DOCK8: variants seen among roughly 807,000 people sequenced by gnomAD.
DOCK8 encodes the protein dedicator of cytokinesis protein 8.
In DOCK8, 141 loss-of-function variants were observed where a neutral mutation model predicts 245.6. The observed-to-expected ratio is 0.57, with a 90% CI of 0.50 to 0.66. The LOEUF is 0.66. DOCK8 is among the 30% of genes least tolerant of loss of function. The probability of loss-of-function intolerance (pLI) is 0.00; values close to 1 mark genes in which losing one functional copy is unlikely to be tolerated. For synonymous variants in DOCK8, 1,168 were observed against 970.2 expected (o/e 1.20, Z -3.79); for missense variants, 2,965 against 2,603.4 (o/e 1.14, Z -3.02).
At chr9:234,627 C>G (rs559968555) in intron 1 of DOCK8, among the ~76,000 whole-genome samples, 1 of 152,326 alleles carries the variant, frequency 6.6e-6, no homozygotes, top group South Asian at 2.1e-4. Flanking sequence ...AACTTCTCTT[C>G]TCACTTCATT....
intron 14 of DOCK8, among the ~76,000 whole-genome samples, chr9:354,625 A>C (rs1428135129): frequency 6.6e-6 from 1 of 152,188 alleles, no homozygotes; most frequent in African/African-American, 2.4e-5. Flanking sequence ...CGTCACCTCA[A>C]GGGTCCCCTG....
At chr9:220,717 C>CT (rs3046368) in intron 1 of DOCK8, 152,696 of 355,780 alleles carry the variant, frequency 0.43, 19,692 homozygotes, top group African/African-American at 0.58. Context: ...TAATTTCTTT[C>CT]TTTTTTTTTT....
intron 46 of DOCK8, 56 bp downstream of exon 46, chr9:452,173 C>A: frequency 1.7e-6 from 2 of 1,149,678 alleles, no homozygotes; most frequent in Non-Finnish European, 2.6e-6. Context: ...AAAGTGCAAT[C>A]TTAGACCAGC....
intron 15 of DOCK8, chr9:369,751 C>T (rs1298385752): frequency 1.1e-5 from 2 of 189,640 alleles, no homozygotes; most frequent in East Asian, 1.4e-4. Flanking sequence ...TCATTTCACC[C>T]TTCATAGCCA....
intron 1 of DOCK8, among the ~76,000 whole-genome samples, chr9:253,895 T>C (rs2047708551): frequency 6.6e-6 from 1 of 152,228 alleles, no homozygotes; most frequent in South Asian, 2.1e-4. Context: ...TAACCACATT[T>C]ATGCATTGAG....
Position 420,080 on chromosome 9 carries a change from C to T in DOCK8, c.3841-321C>T, listed in dbSNP as rs2056211265. 19 of 407,254 alleles carry T rather than the reference C, an allele frequency of 4.7e-5. 1 individual carries two copies. The highest frequency in any genetic ancestry group is 4.2e-4 in the South Asian group (18 of 42,662). The allele number at this position is 407,254 out of a possible 1,614,324, so 25.2% of individuals were successfully genotyped here. On this transcript the variant is annotated intron_variant, in intron 30 of 47. Coordinates refer to ENST00000432829, the MANE Select transcript of DOCK8 (RefSeq NM_203447.4). ...CCTCTTTGTATCACTGGGATTGCAG[C>T]ACGCATGATCAAGGCCCAGGGGTGA... is the stretch of plus-strand genomic sequence containing the variant.
chr9:272,746 A>G (rs1159997779), intron 2 of DOCK8, among the ~76,000 whole-genome samples: 1 of 152,170 alleles, frequency 6.6e-6, no homozygotes, highest in Non-Finnish European at 1.5e-5. Flanking sequence ...TTTTTATATC[A>G]ATGCCAATTG....
chr9:231,575 A>C (rs1472453861), intron 1 of DOCK8, among the ~76,000 whole-genome samples: 35 of 151,984 alleles, frequency 2.3e-4, no homozygotes, highest in Middle Eastern at 6.8e-3. Context: ...CTTTTATTTC[A>C]TTGAGCAGTG....
intron 2 of DOCK8, 32 bp from the exon 3 acceptor site, chr9:286,429 G>C (rs1223042624): frequency 1.2e-6 from 2 of 1,610,604 alleles, no homozygotes; most frequent in Non-Finnish European, 1.7e-6. Flanking sequence ...AACTGGGTGA[G>C]AACCTCCTTT....
At chr9:273,732 G>A (rs570362926) in intron 2 of DOCK8, among the ~76,000 whole-genome samples, 6 of 149,640 alleles carry the variant, frequency 4.0e-5, no homozygotes, top group Non-Finnish European at 8.9e-5. Flanking sequence ...TTGTCACGCA[G>A]GCTGGAGTGC....
At chr9:357,221 A>T (rs10972213) in intron 14 of DOCK8, among the ~76,000 whole-genome samples, 3,776 of 152,346 alleles carry the variant, frequency 0.025, 76 homozygotes, top group African/African-American at 0.06. Flanking sequence ...AAAGAATGGG[A>T]TGGAGATTAA....
At chr9:427,271 T>C (rs923161604) in intron 34 of DOCK8, among the ~76,000 whole-genome samples, 1 of 152,192 alleles carries the variant, frequency 6.6e-6, no homozygotes, top group South Asian at 2.1e-4. Context: ...GTTTATAATA[T>C]GGATGTTGGG....
At chr9:296,146 C>G (rs1057440463) in intron 4 of DOCK8, among the ~76,000 whole-genome samples, 1 of 152,132 alleles carries the variant, frequency 6.6e-6, no homozygotes, top group Non-Finnish European at 1.5e-5. Flanking sequence ...CTCCCCATGA[C>G]TTTTGAAAAT....
intron 24 of DOCK8, among the ~76,000 whole-genome samples, chr9:395,445 C>G (rs1049741859): frequency 6.6e-6 from 1 of 152,104 alleles, no homozygotes; most frequent in African/African-American, 2.4e-5. Context: ...TTAACGTTCT[C>G]TCATGTAGCT....
In DOCK8 at chr9:235,308, C is replaced by G. The variant is rs141892028; in HGVS notation, c.53+20279C>G. Reference sequence around the variant, plus strand: ...TGTGTGAGGTGTCAGTCTGCCCCTACTGGGGGGTGCCTCCCAGTTGGGCTA... The same window carrying G: ...TGTGTGAGGTGTCAGTCTGCCCCTAGTGGGGGGTGCCTCCCAGTTGGGCTA... On this transcript the variant is annotated intron_variant, in intron 1 of 47. Transcript: ENST00000432829. 6.0e-3 allele frequency among the ~76,000 whole-genome samples: 911 copies of G among 152,296 alleles called. 6 individuals carry two copies. Among genetic ancestry groups the G allele is most frequent in the African/African-American group, 0.02 (834 of 41,572 alleles).
chr9:243,989 C>G (rs1206219519), intron 1 of DOCK8, among the ~76,000 whole-genome samples: 1 of 151,944 alleles, frequency 6.6e-6, no homozygotes, highest in Non-Finnish European at 1.5e-5. Context: ...TCGAGACCAT[C>G]CTGGCTAACA....
intron 13 of DOCK8, 127 bp from the exon 14 acceptor site, chr9:340,032 C>T (rs1424994763): frequency 1.8e-6 from 2 of 1,084,822 alleles, no homozygotes; most frequent in Non-Finnish European, 2.7e-6. Context: ...AAATTAGCTC[C>T]AAAACTTTTT....
chr9:404,396 A>G (rs955255483), intron 26 of DOCK8, among the ~76,000 whole-genome samples: 12 of 152,122 alleles, frequency 7.9e-5, no homozygotes, highest in African/African-American at 2.7e-4. Flanking sequence ...TGCAGGTACT[A>G]TGTACTTTGC....
At chr9:271,071 A>G (rs1383316136) in intron 1 of DOCK8, among the ~76,000 whole-genome samples, 2 of 152,202 alleles carry the variant, frequency 1.3e-5, no homozygotes, top group Non-Finnish European at 2.9e-5. Flanking sequence ...GATGCAAAGG[A>G]TCACTGAACT....
Sources: allele counts gnomAD v4.1 joint callset (sites outside exome capture counted in the v4.1 genomes callset), GRCh38; gene constraint gnomAD v4.1.1; transcripts MANE v1.5; gene names NCBI Gene and HGNC (gene_info 2026-07-23, HGNC 2026-07-21).